The following TANC1 variants were observed in gnomAD, a reference collection of about 807,000 sequenced individuals.
The protein encoded by TANC1 is tetratricopeptide repeat, ankyrin repeat and coiled-coil containing 1.
TANC1 carries 77 observed loss-of-function variants against 149.7 expected under a neutral mutation model. The ratio of observed to expected loss-of-function variants is 0.51; its 90% CI spans 0.43 to 0.62. The LOEUF is 0.62. TANC1 is among the 20% of genes least tolerant of loss of function. TANC1 has a pLI of 0.00. For missense variants in TANC1, 1,985 were observed against 2,321.8 expected (o/e 0.85, Z 2.98); for synonymous variants, 854 against 925.0 (o/e 0.92, Z 1.39).
At chr2:158,969,349 C>A (rs1423871121) in intron 1 of TANC1, among the ~76,000 whole-genome samples, 1 of 152,246 alleles carries the variant, frequency 6.6e-6, no homozygotes, top group African/African-American at 2.4e-5. Context: ...CCAGTCTGGG[C>A]TGAAAGTCTA....
chr2:159,149,213 C>T lies in TANC1; in HGVS notation c.436C>T (p.Leu146=), dbSNP rs761904866. 6.2e-7 allele frequency: 1 copy of T among 1,614,036 alleles called. No homozygotes were observed. The highest frequency in any genetic ancestry group is 1.7e-5 in the Admixed American group (1 of 59,998). Residue 146 remains leucine (L), a synonymous_variant, in exon 6 of 27, where the codon CTG becomes TTG. Transcript: ENST00000263635. ...QELLTRLGFL[L]GEGIPSATHI... is the part of the protein sequence containing the mutation. ...ACTGTTGACAAGGCTGGGATTTTTACTGGGAGAAGGGATCCCAAGTGCCAC... is the reference window on the plus strand; with the variant it reads ...ACTGTTGACAAGGCTGGGATTTTTATTGGGAGAAGGGATCCCAAGTGCCAC...
In TANC1 at chr2:159,230,559, C is replaced by T. The variant is rs114821645; in HGVS notation, c.5133C>T (p.Ser1711=). ...IKDKVVTHVQ[S]GTAEHRPRNT... ...ACAAGGTTGTAACCCACGTTCAGAGCGGTACAGCTGAGCACAGACCCCGCA... is the reference window on the plus strand; with the variant it reads ...ACAAGGTTGTAACCCACGTTCAGAGTGGTACAGCTGAGCACAGACCCCGCA... Residue 1711 remains serine, a synonymous_variant, in exon 27 of 27, where the codon AGC becomes AGT. Transcript: ENST00000263635. This position sits in a 1 kb window ranked among gnomAD's most constrained non-coding sequence, Gnocchi z 4.4. The T allele has an allele frequency of 7.2e-4, 1,168 of 1,614,166 alleles. 5 individuals carry two copies. In the African/African-American group the frequency reaches 0.014, roughly 19 times the overall value.
At chr2:159,045,389 A>T (rs1172513998) in intron 2 of TANC1, among the ~76,000 whole-genome samples, 1 of 152,160 alleles carries the variant, frequency 6.6e-6, no homozygotes, top group African/African-American at 2.4e-5. Flanking sequence ...CCGAGATTGC[A>T]CCACTGCACA....
rs759713943 is a variant in TANC1 at position 159,178,706 on chromosome 2, G to A, written c.2053G>A (p.Asp685Asn). ...LSNISLNGKA[D>N]ATLIGKVSSH... ...CAACATCTCCCTGAATGGCAAGGCCGATGCCACACTCATTGGAAAAGTGAG... is the reference window on the plus strand; with the variant it reads ...CAACATCTCCCTGAATGGCAAGGCCAATGCCACACTCATTGGAAAAGTGAG... The change falls in exon 14 of 27, where the codon GAT becomes AAT. Residue 685 changes from aspartate to asparagine, a missense_variant. Transcript: ENST00000263635. The A allele has an allele frequency of 1.5e-5, 24 of 1,614,156 alleles. No homozygotes were observed. In the Admixed American group the frequency reaches 1.5e-4, roughly 10 times the overall value.
intron 4 of TANC1, among the ~76,000 whole-genome samples, chr2:159,109,159 A>G (rs2047475171): frequency 6.6e-6 from 1 of 152,142 alleles, no homozygotes; most frequent in Non-Finnish European, 1.5e-5. Flanking sequence ...AGTTCAGCTA[A>G]TGAGATGTGA....
intron 1 of TANC1, among the ~76,000 whole-genome samples, chr2:158,997,789 A>G (rs1456948627): frequency 6.6e-6 from 1 of 152,222 alleles, no homozygotes; most frequent in East Asian, 1.9e-4. Context: ...CATCTTCCTT[A>G]TAGAAGAATT....
rs190659409 is a variant in TANC1, at chr2:159,116,957, G to A, written c.259+19123G>A. Among the ~76,000 whole-genome samples, 920 of 152,306 alleles carry A rather than the reference G, an allele frequency of 6.0e-3. 7 individuals carry two copies. The highest frequency in any genetic ancestry group is 7.1e-3 in the Non-Finnish European group (485 of 68,034). On this transcript the variant is annotated intron_variant, in intron 4 of 26. Transcript: ENST00000263635. ...ACTTCAGTCTAATTCCAAAGCCTGG[G>A]TCATTTTCACTTTACTTCATTGCCA...
intron 4 of TANC1, among the ~76,000 whole-genome samples, chr2:159,131,353 T>C (rs895158909): frequency 1.3e-5 from 2 of 152,220 alleles, no homozygotes; most frequent in African/African-American, 4.8e-5. Context: ...GGGGAAGGGA[T>C]GTTCCAGGCT....
rs117937548 is a variant in TANC1 at position 159,159,861 on chromosome 2, T to C, written c.683-3422T>C. On this transcript the variant is annotated intron_variant, in intron 7 of 26. Transcript: ENST00000263635. ...ATGTGATCAGGTATACGCCCTGTTATATTAAGAAAGTGAGCCAGGTGCAAT... is the reference window on the plus strand; with the variant it reads ...ATGTGATCAGGTATACGCCCTGTTACATTAAGAAAGTGAGCCAGGTGCAAT... 6.6e-5 allele frequency among the ~76,000 whole-genome samples: 10 copies of C among 152,136 alleles called. No homozygotes were observed. In the East Asian group the frequency reaches 1.7e-3, roughly 27 times the overall value.
rs540870639 is a variant in TANC1 at position 159,162,848 on chromosome 2, A to C, written c.683-435A>C. Among the ~76,000 whole-genome samples the C allele has an allele frequency of 1.2e-4, 19 of 152,196 alleles. 1 individual carries two copies. In the South Asian group the frequency reaches 3.5e-3, roughly 28 times the overall value. On this transcript the variant is annotated intron_variant, in intron 7 of 26. Transcript: ENST00000263635. The stretch of plus-strand genomic sequence containing the variant: ...CTCCTGCACCGTTTCTGCATTAACC[A>C]TTCTGTTGTTTGTTCCCACTCCCCC...
intron 3 of TANC1, among the ~76,000 whole-genome samples, chr2:159,082,518 AGTG>A (rs905114005): frequency 6.6e-6 from 1 of 152,080 alleles, no homozygotes; most frequent in Non-Finnish European, 1.5e-5. Flanking sequence ...GACCTTGGTA[AGTG>A]GTGGCATCTA....
intron 4 of TANC1, among the ~76,000 whole-genome samples, chr2:159,127,757 G>A (rs2049617742): frequency 6.6e-6 from 1 of 152,204 alleles, no homozygotes; most frequent in Non-Finnish European, 1.5e-5. Context: ...TAATGTATGT[G>A]GGGCTTAATA....
intron 7 of TANC1, among the ~76,000 whole-genome samples, chr2:159,151,736 C>T (rs1413102108): frequency 1.3e-5 from 2 of 152,112 alleles, no homozygotes; most frequent in Non-Finnish European, 2.9e-5. Context: ...ACTATAGCTT[C>T]TAGAGGGGCC....
chr2:159,150,843 A>G (rs2052716141), intron 7 of TANC1: 3 of 321,968 alleles, frequency 9.3e-6, no homozygotes, highest in Non-Finnish European at 1.7e-5. Flanking sequence ...TTGCTCTTCT[A>G]TATTCAGTTC....
rs544643540 is a variant in TANC1 at position 159,225,672 on chromosome 2, C to T, written c.3812-16C>T. 1.6e-5 allele frequency: 25 copies of T among 1,608,414 alleles called. No individual in the cohort carries two copies. Among genetic ancestry groups the T allele is most frequent in the South Asian group, 1.2e-4 (11 of 90,934 alleles). On this transcript the variant is annotated splice_polypyrimidine_tract_variant and intron_variant, in intron 23 of 26. Coordinates refer to ENST00000263635, the MANE Select transcript of TANC1 (RefSeq NM_033394.3). Reference sequence around the variant, plus strand: ...AGGGCCTCTGAAGTGCCTCTGAATGCGTGTTTGTTTTGCAGGAAATGCTGC... The same window carrying T: ...AGGGCCTCTGAAGTGCCTCTGAATGTGTGTTTGTTTTGCAGGAAATGCTGC...
chr2:159,055,139 GCTAA>G (rs758501687), intron 2 of TANC1, among the ~76,000 whole-genome samples: 13 of 152,226 alleles, frequency 8.5e-5, no homozygotes, highest in Non-Finnish European at 1.3e-4. Flanking sequence ...TTGTTGTGGA[GCTAA>G]CTGTCATAAG....
At chr2:158,981,999 C>T (rs892577651) in intron 1 of TANC1, among the ~76,000 whole-genome samples, 1 of 151,716 alleles carries the variant, frequency 6.6e-6, no homozygotes, top group African/African-American at 2.4e-5. Flanking sequence ...CCTATCATAG[C>T]TAACTTTGCT....
chr2:158,993,108 T>G lies in TANC1; in HGVS notation c.-125-7972T>G, dbSNP rs2035826310. Among the ~76,000 whole-genome samples the G allele has an allele frequency of 2.0e-5, 3 of 152,136 alleles. No individual in the cohort carries two copies. In the South Asian group the frequency reaches 6.2e-4, roughly 32 times the overall value. On this transcript the variant is annotated intron_variant, in intron 1 of 26. Coordinates refer to ENST00000263635, the MANE Select transcript of TANC1 (RefSeq NM_033394.3). The stretch of plus-strand genomic sequence containing the variant: ...TTCCTTCTGGGCTTTATAACAGCGT[T>G]TTAAGGTGTAGGTAAATATGAGCAG...
intron 14 of TANC1, among the ~76,000 whole-genome samples, chr2:159,184,109 C>T (rs1248222507): frequency 2.0e-5 from 3 of 152,198 alleles, no homozygotes; most frequent in African/African-American, 7.2e-5. Flanking sequence ...TTGCATAAGT[C>T]GCTTAACCTG....
Sources: gnomAD v4.1 joint callset for allele counts (sites outside exome capture counted in the v4.1 genomes callset) on GRCh38, gnomAD v4.1.1 for gene constraint, Gnocchi (gnomAD v3.1) non-coding constraint, MANE v1.5 for transcripts, NCBI Gene and HGNC (gene_info 2026-07-23, HGNC 2026-07-21) for gene names.